Variants in MSRA observed in about 807,000 individuals in gnomAD.
The protein encoded by MSRA is mitochondrial peptide methionine sulfoxide reductase.
A neutral mutation model predicts 31.3 loss-of-function variants in MSRA; 54 were observed. That is an observed-to-expected ratio of 1.73 (90% confidence interval 1.39 to 2.17). The LOEUF is 2.17. MSRA is among the 30% of genes most tolerant of loss of function. The pLI is 0.00. For missense variants in MSRA, 507 were observed against 300.9 expected (o/e 1.69, Z -5.07); for synonymous variants, 169 against 116.5 (o/e 1.45, Z -2.90).
At chr8:10,237,199 T>G (rs1812019959) in intron 2 of MSRA, among the ~76,000 whole-genome samples, 1 of 152,236 alleles carries the variant, frequency 6.6e-6, no homozygotes, top group Non-Finnish European at 1.5e-5. Flanking sequence ...CTGAAGTTGT[T>G]TTTCTTGTGG....
At chr8:10,113,314 TGGAGGTGTG>T (rs1563109889) in intron 1 of MSRA, among the ~76,000 whole-genome samples, 84 of 125,094 alleles carry the variant, frequency 6.7e-4, no homozygotes, top group African/African-American at 1.7e-3. Flanking sequence ...TTTTTTTTTT[TGGAGGTGTG>T]TGTTTAAATG....
chr8:10,277,658 A>G (rs1305985746), intron 3 of MSRA, among the ~76,000 whole-genome samples: 1 of 152,168 alleles, frequency 6.6e-6, no homozygotes, highest in African/African-American at 2.4e-5. Flanking sequence ...GCCTCAAATA[A>G]CCCAATGTCA....
chr8:10,164,132 A>T (rs1047944780), intron 1 of MSRA, among the ~76,000 whole-genome samples: 1 of 152,210 alleles, frequency 6.6e-6, no homozygotes, highest in Admixed American at 6.5e-5. Context: ...CTAGCGTTTT[A>T]TTGCAGAATA....
intron 5 of MSRA, among the ~76,000 whole-genome samples, chr8:10,382,851 CT>C (rs1451121798): frequency 6.6e-6 from 1 of 152,216 alleles, no homozygotes; most frequent in Non-Finnish European, 1.5e-5. Flanking sequence ...GTCTCTGCCC[CT>C]GACGGTTCCT....
chr8:10,082,176 G>C (rs1355076392), intron 1 of MSRA, among the ~76,000 whole-genome samples: 1 of 152,180 alleles, frequency 6.6e-6, no homozygotes, highest in Non-Finnish European at 1.5e-5. Flanking sequence ...CTATACTCCA[G>C]TCTGGGTGGT....
chr8:10,133,957 A>C (rs944405711), intron 1 of MSRA, among the ~76,000 whole-genome samples: 2 of 151,986 alleles, frequency 1.3e-5, no homozygotes, highest in Non-Finnish European at 2.9e-5. Context: ...CAGCCTCCTG[A>C]GTAGCTGGGA....
intron 1 of MSRA, among the ~76,000 whole-genome samples, chr8:10,170,948 T>C (rs1007068745): frequency 6.6e-5 from 10 of 152,252 alleles, no homozygotes; most frequent in African/African-American, 2.4e-4. Context: ...AGCTAGGCTC[T>C]CCAGCATGAT....
At chr8:10,243,442 C>T (rs1797445587) in intron 2 of MSRA, among the ~76,000 whole-genome samples, 1 of 152,110 alleles carries the variant, frequency 6.6e-6, no homozygotes, top group Non-Finnish European at 1.5e-5. Flanking sequence ...TTGCCGGAGA[C>T]CTGTGGATAC....
At chr8:10,330,690 C>T (rs1176554541) in intron 5 of MSRA, among the ~76,000 whole-genome samples, 1 of 152,196 alleles carries the variant, frequency 6.6e-6, no homozygotes, top group Non-Finnish European at 1.5e-5. Flanking sequence ...GAACTCGTCT[C>T]CCATTTTCTA....
intron 3 of MSRA, among the ~76,000 whole-genome samples, chr8:10,260,174 G>A (rs1016212258): frequency 6.6e-6 from 1 of 152,242 alleles, no homozygotes; most frequent in African/African-American, 2.4e-5. Flanking sequence ...CTGTGTGTGG[G>A]CGAGCCATTG....
rs543246209 is a variant in MSRA at position 10,204,384 on chromosome 8, G to A, written c.143-3449G>A. Among the ~76,000 whole-genome samples the A allele has an allele frequency of 7.2e-5, 11 of 152,280 alleles. No homozygotes were observed. The South Asian group carries it at 1.7e-3, about 23-fold the overall frequency. ...CCCAGAGCAGCTTCCAGTCCTGCAA[G>A]CTCCATTTGTCATAAATACCCTAGA... On this transcript the variant is annotated intron_variant, in intron 1 of 5. Coordinates refer to ENST00000317173, the MANE Select transcript of MSRA (RefSeq NM_012331.5).
intron 5 of MSRA, chr8:10,353,756 A>C (rs1374145305): frequency 2.6e-6 from 1 of 390,916 alleles, no homozygotes; most frequent in Non-Finnish European, 5.1e-6. Context: ...AGCAGAGGAC[A>C]GGGTTCCACT....
chr8:10,201,989 A>G lies in MSRA; in HGVS notation c.143-5844A>G, dbSNP rs149883840. 1.6e-4 allele frequency among the ~76,000 whole-genome samples: 25 copies of G among 152,360 alleles called. No individual in the cohort carries two copies. In the East Asian group the frequency reaches 3.7e-3, roughly 22 times the overall value. On this transcript the variant is annotated intron_variant, in intron 1 of 5. Coordinates refer to ENST00000317173, the MANE Select transcript of MSRA (RefSeq NM_012331.5). ...GCACCCACTCTGCTATGGCTGGGTA[A>G]CAGATGTCCCTGTTGGAGACTCTTG...
intron 1 of MSRA, among the ~76,000 whole-genome samples, chr8:10,169,053 C>T (rs1412252399): frequency 6.6e-6 from 1 of 152,168 alleles, no homozygotes; most frequent in Non-Finnish European, 1.5e-5. Flanking sequence ...TTCCCCATAA[C>T]CTTCTCTCAT....
At chr8:10,283,017 A>AATT (rs1416918702) in intron 3 of MSRA, among the ~76,000 whole-genome samples, 2 of 152,084 alleles carry the variant, frequency 1.3e-5, no homozygotes, top group Admixed American at 1.3e-4. Flanking sequence ...AAGAGATGAA[A>AATT]ATTCCATTCT....
At chr8:10,425,843 C>A (rs886724008) in intron 5 of MSRA, among the ~76,000 whole-genome samples, 2 of 152,226 alleles carry the variant, frequency 1.3e-5, no homozygotes, top group Non-Finnish European at 2.9e-5. Flanking sequence ...TTTTTATTTG[C>A]TATTTGGATA....
chr8:10,113,970 C>T (rs373387425), intron 1 of MSRA, among the ~76,000 whole-genome samples: 1 of 152,128 alleles, frequency 6.6e-6, no homozygotes, highest in African/African-American at 2.4e-5. Context: ...CCTCATTCTC[C>T]TCTTCCCCCT....
intron 3 of MSRA, among the ~76,000 whole-genome samples, chr8:10,253,468 A>G (rs917061890): frequency 1.3e-5 from 2 of 152,226 alleles, no homozygotes; most frequent in Admixed American, 6.5e-5. Flanking sequence ...TATTTCAGCA[A>G]TTTTGGTGGT....
intron 1 of MSRA, among the ~76,000 whole-genome samples, chr8:10,182,650 C>T (rs931351430): frequency 6.6e-6 from 1 of 152,124 alleles, no homozygotes; most frequent in Non-Finnish European, 1.5e-5. Flanking sequence ...GGTGTGTGAT[C>T]ATCACATCAT....
Sources: gnomAD v4.1 joint callset for allele counts (sites outside exome capture counted in the v4.1 genomes callset) on GRCh38, gnomAD v4.1.1 for gene constraint, MANE v1.5 for transcripts, NCBI Gene and HGNC (gene_info 2026-07-23, HGNC 2026-07-21) for gene names.